Variants in SETX observed in about 807,000 individuals in gnomAD.
SETX encodes the protein senataxin, also known as helicase senataxin.
In SETX, 90 loss-of-function variants were observed where a neutral mutation model predicts 227.2. The observed-to-expected ratio is 0.40, with a 90% CI of 0.33 to 0.47. The LOEUF is 0.47. Among genes scored for constraint, SETX ranks in the 20% least tolerant of loss-of-function variants. The pLI is 0.91. For missense variants in SETX, 3,052 were observed against 3,181.5 expected, an observed-to-expected ratio of 0.96 and a Z score of 0.98; for synonymous variants, 1,210 against 1,113.2, an observed-to-expected ratio of 1.09 and a Z score of -1.73.
chr9:132,335,741 C>T (rs1012157638), intron 6 of SETX, among the ~76,000 whole-genome samples: 2 of 151,998 alleles, frequency 1.3e-5, no homozygotes, highest in Admixed American at 6.5e-5. Context: ...AAAATGTGGC[C>T]GTAAACAAGA....
In SETX at chr9:132,264,759, G is replaced by C. The variant is rs376387596; in HGVS notation, c.7514C>G (p.Ala2505Gly). 3 of 1,614,078 alleles carry C rather than the reference G, an allele frequency of 1.9e-6. No homozygotes were observed. Among genetic ancestry groups the C allele is most frequent in the African/African-American group, 1.3e-5 (1 of 74,908 alleles). Residue 2505 changes from alanine to glycine, a missense_variant, in exon 26 of 26, where the codon GCT (alanine) becomes GGT (glycine). Around this residue, in one of 10 missense-constraint regions of SETX, gnomAD observed 294 missense variants for 278.8 expected, o/e 1.05. Coordinates refer to ENST00000224140, the MANE Select transcript of SETX (RefSeq NM_015046.7). ...LDSGFAKTSV[A>G]ASLYHTPSDS... ...AGAGGGTGTGTGGTATAGAGAAGCAGCAACAGATGTCTTGGCAAATCCACT... is the reference window on the plus strand; with the variant it reads ...AGAGGGTGTGTGGTATAGAGAAGCACCAACAGATGTCTTGGCAAATCCACT...
intron 10 of SETX, among the ~76,000 whole-genome samples, chr9:132,317,752 T>C (rs1419936061): frequency 6.6e-6 from 1 of 152,164 alleles, no homozygotes; most frequent in Non-Finnish European, 1.5e-5. Flanking sequence ...CATGAGCCAC[T>C]GTACCTGGCC....
chr9:132,345,886 G>A (rs775218316), intron 4 of SETX, among the ~76,000 whole-genome samples: 1 of 152,048 alleles, frequency 6.6e-6, no homozygotes, highest in Non-Finnish European at 1.5e-5. Flanking sequence ...GGACGCAATG[G>A]CACACGCCTG....
At chr9:132,325,753 T>C (rs1846701144) in intron 10 of SETX, among the ~76,000 whole-genome samples, 3 of 151,870 alleles carry the variant, frequency 2.0e-5, no homozygotes, top group Admixed American at 6.6e-5. Flanking sequence ...ACCAACATGG[T>C]GAAACCCCTT....
intron 13 of SETX, among the ~76,000 whole-genome samples, chr9:132,297,625 C>G (rs564515822): frequency 2.6e-5 from 4 of 152,324 alleles, no homozygotes; most frequent in Middle Eastern, 3.4e-3. Context: ...CACATGAAAG[C>G]CATAGCATAC....
At position 132,329,771 on chromosome 9, in the gene SETX, A is replaced by G; in HGVS notation, c.1827T>C (p.Thr609=). 6.2e-7 allele frequency: 1 copy of G among 1,614,120 alleles called. No individual in the cohort carries two copies. The highest frequency in any genetic ancestry group is 1.7e-5 in the Admixed American group (1 of 60,016). Residue 609 remains threonine (T), a synonymous_variant, in exon 10 of 26, where the codon ACT becomes ACC. Transcript: ENST00000224140. The stretch of plus-strand genomic sequence containing the variant: ...ATGCAGGAGAGATTTTACATGCAGA[A>G]GTCAGATCCACAAAAGTGTTACATG... The part of the protein sequence containing the change: ...APPCNTFVDL[T]SACKISPASY...
At position 132,330,023 on chromosome 9, in the gene SETX, G is replaced by C; in HGVS notation, c.1575C>G (p.Ser525=). The change falls in exon 10 of 26, where the codon TCC becomes TCG. Residue 525 remains serine, a synonymous_variant. Transcript: ENST00000224140. ...TAMISSLSLH[S]MPSNSVQLAY... ...CAAGTTGTACAGAGTTAGATGGCAT[G>C]GAATGCAATGACAGTGAAGATATCA... 6.2e-7 allele frequency: 1 copy of C among 1,614,204 alleles called. No homozygotes were observed. Among genetic ancestry groups the C allele is most frequent in the Non-Finnish European group, 8.5e-7 (1 of 1,180,014 alleles).
At chr9:132,330,538 A>T in intron 9 of SETX, 39 bp from the exon 10 acceptor site, 1 of 1,564,226 alleles carries the variant, frequency 6.4e-7, no homozygotes, top group Non-Finnish European at 8.7e-7. Flanking sequence ...ATAAATAAGC[A>T]CCACTTATGA....
intron 11 of SETX, among the ~76,000 whole-genome samples, chr9:132,307,137 C>T (rs1845380182): frequency 6.6e-6 from 1 of 152,124 alleles, no homozygotes; most frequent in Admixed American, 6.6e-5. Flanking sequence ...CACCTGTAAT[C>T]CCAGCTACTG....
At chr9:132,284,902 G>A (rs576698898) in intron 18 of SETX, among the ~76,000 whole-genome samples, 20 of 149,974 alleles carry the variant, frequency 1.3e-4, no homozygotes, top group African/African-American at 4.7e-4. Context: ...TTTTTGAGAC[G>A]GAGTCTCGCT....
chr9:132,271,362 G>C (rs181832371), intron 24 of SETX, among the ~76,000 whole-genome samples: 1 of 152,328 alleles, frequency 6.6e-6, no homozygotes, highest in East Asian at 1.9e-4. Context: ...TCAGGAGTTT[G>C]AGACCAGCCT....
Position 132,327,371 on chromosome 9 carries a change from G to C in SETX, c.4227C>G (p.Asn1409Lys). The C allele has an allele frequency of 6.2e-7, 1 of 1,614,218 alleles. No individual in the cohort carries two copies. The highest frequency in any genetic ancestry group is 1.1e-5 in the South Asian group (1 of 91,086). ...TGGTEVLANS[N>K]RKQLIKCMPS... ...GCATGCATTTTATTAACTGTTTTCT[G>C]TTACTGTTGGCAAGTACCTCAGTTC... The change falls in exon 10 of 26, where the codon AAC becomes AAG. Residue 1409 changes from asparagine to lysine, a missense_variant. By Grantham distance (94) the Asn-to-Lys change is moderately conservative. Transcript: ENST00000224140.
rs975227468 is a variant in SETX, at chr9:132,262,881, C to T, written c.*1358G>A. On this transcript the variant is annotated 3_prime_UTR_variant, in exon 26 of 26. Transcript: ENST00000224140. ...GCTGCACAGCATTCACTACAGATCC[C>T]TAGTTTTTACAACTGTCAACTGTAC... 5 of 152,176 alleles carry T rather than the reference C, an allele frequency of 3.3e-5. No individual in the cohort carries two copies. The highest frequency in any genetic ancestry group is 1.2e-4 in the African/African-American group (5 of 41,434). The allele number at this position is 152,176 out of a possible 1,614,324, so 9.4% of individuals were successfully genotyped here.
intron 15 of SETX, among the ~76,000 whole-genome samples, chr9:132,291,509 T>C (rs1429609203): frequency 1.3e-5 from 2 of 152,122 alleles, no homozygotes; most frequent in East Asian, 3.8e-4. Flanking sequence ...GAAAGGTAGA[T>C]GAGATTACCT....
At position 132,292,682 on chromosome 9, in the gene SETX, T is replaced by G. The variant is rs192636905; in HGVS notation, c.6106+3190A>C. Among the ~76,000 whole-genome samples, 2,252 of 144,524 alleles carry G rather than the reference T, an allele frequency of 0.016. 100 individuals are homozygous for G. In the East Asian group the frequency reaches 0.19, roughly 12 times the overall value. The allele number at this position is 144,524 out of a possible 152,430, so 94.8% of individuals were successfully genotyped here. On this transcript the variant is annotated intron_variant, in intron 15 of 25. Coordinates refer to ENST00000224140, the MANE Select transcript of SETX (RefSeq NM_015046.7). ...TCTCGCTCTGTCACCCAGGCTGGAG[T>G]GCAGTGGCGCGATCTCAGCTCACTG... is the stretch of plus-strand genomic sequence containing the variant.
At chr9:132,334,336 T>C (rs1847455604) in intron 7 of SETX, among the ~76,000 whole-genome samples, 1 of 152,144 alleles carries the variant, frequency 6.6e-6, no homozygotes, top group African/African-American at 2.4e-5. Context: ...TAGTCCCAGC[T>C]ACTTGGGAGG....
intron 12 of SETX, 93 bp downstream of exon 12, chr9:132,300,537 C>G (rs1844932191): frequency 7.5e-7 from 1 of 1,332,984 alleles, no homozygotes; most frequent in Non-Finnish European, 1.1e-6. Context: ...CGGTAAATGT[C>G]TATCAAATAC....
intron 5 of SETX, among the ~76,000 whole-genome samples, chr9:132,339,145 A>T (rs1847818367): frequency 1.3e-5 from 2 of 152,134 alleles, no homozygotes; most frequent in Admixed American, 1.3e-4. Flanking sequence ...AATATAGTCA[A>T]GTTCATCAAC....
At chr9:132,324,217 C>T (rs746236185) in intron 10 of SETX, among the ~76,000 whole-genome samples, 11 of 151,036 alleles carry the variant, frequency 7.3e-5, no homozygotes, top group Non-Finnish European at 1.5e-4. Context: ...TGCTTTCCAG[C>T]GAAAATAAAG....
Sources: allele counts gnomAD v4.1 joint callset (sites outside exome capture counted in the v4.1 genomes callset), GRCh38; gene constraint gnomAD v4.1.1; regional missense constraint gnomAD v4.1.1; transcripts MANE v1.5; gene names NCBI Gene and HGNC (gene_info 2026-07-23, HGNC 2026-07-21).